CLSTN2: variants seen among roughly 807,000 people sequenced by gnomAD.
CLSTN2 encodes the protein calsyntenin-2.
In CLSTN2, 48 loss-of-function variants were observed where a neutral mutation model predicts 101.2. The ratio of observed to expected loss-of-function variants is 0.47; its 90% confidence interval spans 0.38 to 0.60. CLSTN2 has a LOEUF of 0.60. Among genes scored for constraint, CLSTN2 ranks in the 20% least tolerant of loss-of-function variants. CLSTN2 has a pLI of 0.00. For synonymous variants in CLSTN2, 481 were observed against 463.6 expected (o/e 1.04, Z -0.48); for missense variants, 1,160 against 1,238.2 (o/e 0.94, Z 0.95).
chr3:140,422,443 C>G (rs2088516806), intron 5 of CLSTN2, among the ~76,000 whole-genome samples: 1 of 152,144 alleles, frequency 6.6e-6, no homozygotes, highest in South Asian at 2.1e-4. Flanking sequence ...GACATCATTC[C>G]CCTCAGAAGG....
chr3:140,308,567 G>A (rs1193705542), intron 2 of CLSTN2, among the ~76,000 whole-genome samples: 1 of 152,230 alleles, frequency 6.6e-6, no homozygotes, highest in Admixed American at 6.5e-5. Context: ...GTGACTGACT[G>A]CAATTCTGAA....
chr3:140,282,669 A>G (rs1445673181), intron 2 of CLSTN2, among the ~76,000 whole-genome samples: 2 of 152,140 alleles, frequency 1.3e-5, no homozygotes, highest in African/African-American at 2.4e-5. Context: ...CTTGGAGGGT[A>G]CTATTATCCT....
intron 2 of CLSTN2, among the ~76,000 whole-genome samples, chr3:140,373,596 C>T (rs147628005): frequency 1.5e-3 from 231 of 152,264 alleles, no homozygotes; most frequent in African/African-American, 5.2e-3. Flanking sequence ...GTGCAGAGAC[C>T]GTCTTTAAGA....
intron 2 of CLSTN2, among the ~76,000 whole-genome samples, chr3:140,271,578 G>A (rs1213235558): frequency 6.6e-6 from 1 of 152,068 alleles, no homozygotes; most frequent in Non-Finnish European, 1.5e-5. Flanking sequence ...AGAAGAAAAG[G>A]GACTGACAAC....
intron 8 of CLSTN2, among the ~76,000 whole-genome samples, chr3:140,504,834 G>A (rs1934652467): frequency 6.6e-6 from 1 of 152,110 alleles, no homozygotes; most frequent in South Asian, 2.1e-4. Context: ...TGTGTTTGTG[G>A]CATTTGTTTT....
At chr3:140,519,089 C>G (rs1203532607) in intron 8 of CLSTN2, among the ~76,000 whole-genome samples, 1 of 152,200 alleles carries the variant, frequency 6.6e-6, no homozygotes, top group African/African-American at 2.4e-5. Flanking sequence ...ATTATTTACC[C>G]AGGAGTCATC....
chr3:140,043,102 G>C (rs2007795093), intron 1 of CLSTN2, among the ~76,000 whole-genome samples: 1 of 152,206 alleles, frequency 6.6e-6, no homozygotes, highest in African/African-American at 2.4e-5. Context: ...TCGCCACACT[G>C]TCTTCCACAA....
At chr3:140,203,627 C>G (rs77678736) in intron 2 of CLSTN2, among the ~76,000 whole-genome samples, 2,767 of 152,206 alleles carry the variant, frequency 0.018, 89 homozygotes, top group African/African-American at 0.064. Flanking sequence ...CTATTTGTTT[C>G]TGCCTGAATG....
intron 9 of CLSTN2, among the ~76,000 whole-genome samples, chr3:140,541,695 G>T (rs1327240690): frequency 6.6e-6 from 1 of 152,164 alleles, no homozygotes; most frequent in Non-Finnish European, 1.5e-5. Flanking sequence ...CAGGAAGCAG[G>T]CTTCAGATGT....
At chr3:140,170,884 C>T (rs2010201392) in intron 1 of CLSTN2, among the ~76,000 whole-genome samples, 1 of 152,138 alleles carries the variant, frequency 6.6e-6, no homozygotes, top group South Asian at 2.1e-4. Context: ...AGAGGATTCA[C>T]ATAGGACCAG....
At chr3:140,441,189 C>T (rs1236865855) in intron 5 of CLSTN2, among the ~76,000 whole-genome samples, 1 of 152,220 alleles carries the variant, frequency 6.6e-6, no homozygotes, top group African/African-American at 2.4e-5. Flanking sequence ...GGCACAAGTG[C>T]TGGCTCTGCA....
intron 6 of CLSTN2, among the ~76,000 whole-genome samples, chr3:140,452,254 T>G (rs1933269835): frequency 6.6e-6 from 1 of 152,014 alleles, no homozygotes; most frequent in Admixed American, 6.6e-5. Flanking sequence ...CTACAGCACA[T>G]TTCGCCCTGA....
At chr3:140,104,668 TA>T (rs1044812678) in intron 1 of CLSTN2, among the ~76,000 whole-genome samples, 1 of 152,154 alleles carries the variant, frequency 6.6e-6, no homozygotes, top group East Asian at 1.9e-4. Context: ...TGCTGACAAA[TA>T]AAAAAATACA....
At chr3:140,416,489 A>G (rs1379523768) in intron 4 of CLSTN2, among the ~76,000 whole-genome samples, 2 of 152,346 alleles carry the variant, frequency 1.3e-5, no homozygotes, top group East Asian at 1.9e-4. Flanking sequence ...ATCACATTGT[A>G]TACCCCAAAT....
intron 9 of CLSTN2, among the ~76,000 whole-genome samples, chr3:140,541,400 C>T (rs548961942): frequency 6.6e-6 from 1 of 152,222 alleles, no homozygotes; most frequent in African/African-American, 2.4e-5. Flanking sequence ...TATTCATTTT[C>T]TGTAGGGTGC....
intron 8 of CLSTN2, among the ~76,000 whole-genome samples, chr3:140,517,919 G>A (rs950216421): frequency 1.3e-5 from 2 of 152,170 alleles, no homozygotes; most frequent in African/African-American, 4.8e-5. Flanking sequence ...TGGCTACCAG[G>A]GCAGGTAGAG....
At chr3:139,965,498 T>A (rs1576378965) in intron 1 of CLSTN2, among the ~76,000 whole-genome samples, 2 of 152,166 alleles carry the variant, frequency 1.3e-5, no homozygotes, top group East Asian at 3.9e-4. Flanking sequence ...AGGGCCTCCC[T>A]TCTGGCGAGT....
At chr3:140,359,527 C>T (rs2087705831) in intron 2 of CLSTN2, among the ~76,000 whole-genome samples, 1 of 152,144 alleles carries the variant, frequency 6.6e-6, no homozygotes, top group Non-Finnish European at 1.5e-5. Context: ...CACAATAAAC[C>T]ATCTATGGTT....
intron 2 of CLSTN2, among the ~76,000 whole-genome samples, chr3:140,366,192 C>T (rs2107953545): frequency 6.6e-6 from 1 of 152,344 alleles, no homozygotes; most frequent in East Asian, 1.9e-4. Flanking sequence ...GTCCTTATCA[C>T]CCCTCACCTC....
Sources: allele counts gnomAD v4.1 joint callset (sites outside exome capture counted in the v4.1 genomes callset), GRCh38; gene constraint gnomAD v4.1.1; transcripts MANE v1.5; gene names NCBI Gene and HGNC (gene_info 2026-07-23, HGNC 2026-07-21).